The following PGM2 variants were observed in gnomAD, a reference collection of about 807,000 sequenced individuals.
The protein encoded by PGM2 is phosphopentomutase.
PGM2 carries 57 observed loss-of-function variants against 74.6 expected under a neutral mutation model. The ratio of observed to expected loss-of-function variants is 0.76; its 90% CI spans 0.62 to 0.95. PGM2 has a LOEUF of 0.95. Among genes scored for constraint, PGM2 ranks in the 40% least tolerant of loss-of-function variants. The pLI, the probability that PGM2 is intolerant of heterozygous loss-of-function variation, is 0.00. For synonymous variants in PGM2, 273 were observed against 260.7 expected, an observed-to-expected ratio of 1.05 and a Z score of -0.46; for missense variants, 706 against 741.9, an observed-to-expected ratio of 0.95 and a Z score of 0.56.
At chr4:37,828,543 C>G (rs1420355597) in intron 1 of PGM2, among the ~76,000 whole-genome samples, 2 of 152,136 alleles carry the variant, frequency 1.3e-5, no homozygotes, top group Non-Finnish European at 2.9e-5. Context: ...TTCCACCGTG[C>G]CTTCATCCCT....
At chr4:37,827,216 C>T (rs1725316530) in intron 1 of PGM2, among the ~76,000 whole-genome samples, 1 of 152,242 alleles carries the variant, frequency 6.6e-6, no homozygotes, top group South Asian at 2.1e-4. Flanking sequence ...TCGCTCCGTC[C>T]CGCGTATTCC....
At chr4:37,851,260 G>A (rs995488106) in intron 12 of PGM2, among the ~76,000 whole-genome samples, 5 of 152,208 alleles carry the variant, frequency 3.3e-5, no homozygotes, top group Non-Finnish European at 5.9e-5. Context: ...CAGTAGGTCT[G>A]GGGTAGGAGC....
Position 37,826,804 on chromosome 4 carries a change from C to G in PGM2, c.72C>G (p.Arg24=). ...ACCAGGAGACCGCCCAGTGGCTGCG[C>G]TGGGACAAGGTGAGGGGCACCAGCA... ...RLDQETAQWL[R]WDKNSLTLEA... The change falls in exon 1 of 14, where the codon CGC becomes CGG. Residue 24 remains arginine, a synonymous_variant. Transcript: ENST00000381967. 6.5e-7 allele frequency: 1 copy of G among 1,546,784 alleles called. No individual in the cohort carries two copies. Among genetic ancestry groups the G allele is most frequent in the South Asian group, 1.2e-5 (1 of 83,980 alleles).
At position 37,826,812 on chromosome 4, in the gene PGM2, A is replaced by G; in HGVS notation, c.80A>G (p.Lys27Arg). ...ACCGCCCAGTGGCTGCGCTGGGACA[A>G]GGTGAGGGGCACCAGCAGGCGGGGA... is the stretch of plus-strand genomic sequence containing the variant. The part of the protein sequence containing the change: ...QETAQWLRWD[K>R]NSLTLEAVKR... The change falls in exon 1 of 14, where the codon AAG becomes AGG. Residue 27 changes from lysine to arginine, a missense_variant and splice_region_variant. Lys to Arg is a conservative substitution (Grantham distance 26, BLOSUM62 2). Transcript: ENST00000381967. 1 of 1,542,090 alleles carries G rather than the reference A, an allele frequency of 6.5e-7. No homozygotes were observed. The highest frequency in any genetic ancestry group is 8.8e-7 in the Non-Finnish European group (1 of 1,140,194).
intron 3 of PGM2, 140 bp downstream of exon 3, chr4:37,834,864 C>A: frequency 2.2e-6 from 1 of 457,358 alleles, no homozygotes; most frequent in Non-Finnish European, 4.0e-6. Context: ...ATTCTCTTGG[C>A]AACTTTTAAA....
Position 37,855,753 on chromosome 4 carries a change from A to T in PGM2, c.1736+12A>T. The T allele has an allele frequency of 6.3e-7, 1 of 1,588,458 alleles. No individual in the cohort carries two copies. The highest frequency in any genetic ancestry group is 8.6e-7 in the Non-Finnish European group (1 of 1,168,518). On this transcript the variant is annotated intron_variant, in intron 13 of 13. Coordinates refer to ENST00000381967, the MANE Select transcript of PGM2 (RefSeq NM_018290.4). ...CCACCTGGGAACAGGTATGATGTGG[A>T]TGGCAGCTGGTGTGATTTTTACTCC...
Position 37,832,023 on chromosome 4 carries a change from T to C in PGM2, c.249+1892T>C, listed in dbSNP as rs1466050431. Among the ~76,000 whole-genome samples, 9 of 152,216 alleles carry C rather than the reference T, an allele frequency of 5.9e-5. 1 individual carries two copies. The highest frequency in any genetic ancestry group is 5.9e-4 in the Admixed American group (9 of 15,272). ...AGTTTCTGAGAATAATGAAATGTAT[T>C]CCCATTAAGGACTATCTTACCCATT... On this transcript the variant is annotated intron_variant, in intron 2 of 13. Coordinates refer to ENST00000381967, the MANE Select transcript of PGM2 (RefSeq NM_018290.4).
At position 37,840,182 on chromosome 4, in the gene PGM2, C is replaced by G. The variant is rs1459164202; in HGVS notation, c.642C>G (p.Ser214Arg). Residue 214 changes from serine (S) to arginine (R), a missense_variant, in exon 6 of 14, where the codon AGC becomes AGG. Physicochemically the swap from Ser to Arg is moderately radical, Grantham distance 110. Around this residue, in one of 3 missense-constraint regions of PGM2, gnomAD observed 332 missense variants for 334.9 expected, o/e 0.99. Transcript: ENST00000381967. ...CTTGGGACGATTCTTTAATTGATAG[C>G]AGTCCACTTCTCCACAATCCGAGTG... is the stretch of plus-strand genomic sequence containing the variant. ...PQAWDDSLID[S>R]SPLLHNPSAS... 6.2e-7 allele frequency: 1 copy of G among 1,611,820 alleles called. No individual in the cohort carries two copies. Among genetic ancestry groups the G allele is most frequent in the Admixed American group, 1.7e-5 (1 of 59,988 alleles).
chr4:37,831,186 C>G (rs1725432064), intron 2 of PGM2, among the ~76,000 whole-genome samples: 1 of 44,334 alleles, frequency 2.3e-5, no homozygotes, highest in African/African-American at 5.0e-5. Flanking sequence ...GAGCAAGACT[C>G]TGTCTCAAAA....
intron 11 of PGM2, among the ~76,000 whole-genome samples, 161 bp downstream of exon 11, chr4:37,848,812 G>A (rs527585237): frequency 6.6e-6 from 1 of 152,304 alleles, no homozygotes; most frequent in East Asian, 1.9e-4. Flanking sequence ...GCTCATGCCT[G>A]TAATCCCAGC....
Position 37,848,452 on chromosome 4 carries a change from C to G in PGM2, c.1283-70C>G. The G allele has an allele frequency of 2.2e-6, 3 of 1,344,016 alleles. No individual in the cohort carries two copies. The South Asian group carries it at 3.9e-5, about 18-fold the overall frequency. 83.3% of individuals were successfully genotyped at this position (1,344,016 alleles called of 1,614,324 possible). A position where few individuals can be genotyped will look rare whatever the true frequency, so the allele number is the denominator to read the frequency against. On this transcript the variant is annotated intron_variant, in intron 10 of 13. Transcript: ENST00000381967. Reference sequence around the variant, plus strand: ...CTGTACAACCTCTAATATGCAATAGCCAGGATTCATACTCATATGTGGTTT... The same window carrying G: ...CTGTACAACCTCTAATATGCAATAGGCAGGATTCATACTCATATGTGGTTT...
intron 12 of PGM2, among the ~76,000 whole-genome samples, chr4:37,852,746 A>G (rs1022986999): frequency 1.3e-5 from 2 of 152,072 alleles, no homozygotes; most frequent in Admixed American, 6.5e-5. Context: ...AGTCCTTTCC[A>G]TGCAACTTGT....
At chr4:37,855,789 T>C (rs763321054) in intron 13 of PGM2, 48 bp downstream of exon 13, 1 of 1,494,738 alleles carries the variant, frequency 6.7e-7, no homozygotes, top group South Asian at 1.3e-5. Flanking sequence ...CCAGACTTCC[T>C]AACTGGTTCT....
At chr4:37,836,141 A>C (rs1284650909) in intron 3 of PGM2, among the ~76,000 whole-genome samples, 1 of 152,226 alleles carries the variant, frequency 6.6e-6, no homozygotes, top group East Asian at 1.9e-4. Flanking sequence ...CAACCTTCAG[A>C]GATATGTTAA....
At chr4:37,835,312 C>T (rs1440351243) in intron 3 of PGM2, among the ~76,000 whole-genome samples, 2 of 152,104 alleles carry the variant, frequency 1.3e-5, no homozygotes. Flanking sequence ...GACACTAGTA[C>T]CAGGGGTCAG....
intron 1 of PGM2, among the ~76,000 whole-genome samples, chr4:37,829,108 A>G (rs989725814): frequency 1.3e-5 from 2 of 152,220 alleles, no homozygotes; most frequent in Non-Finnish European, 2.9e-5. Context: ...CTGAATTCAT[A>G]ACTTAAAAGT....
At chr4:37,831,025 C>G (rs920183892) in intron 2 of PGM2, among the ~76,000 whole-genome samples, 5 of 151,798 alleles carry the variant, frequency 3.3e-5, no homozygotes, top group Non-Finnish European at 5.9e-5. Flanking sequence ...GAAACCCTGT[C>G]TCTACCAAAA....
At chr4:37,838,897 A>AGT (rs1725633189) in intron 4 of PGM2, among the ~76,000 whole-genome samples, 2 of 152,188 alleles carry the variant, frequency 1.3e-5, no homozygotes, top group East Asian at 3.9e-4. Context: ...CAATGACTGC[A>AGT]GTGATTCTTG....
intron 13 of PGM2, among the ~76,000 whole-genome samples, chr4:37,859,872 A>G (rs557572161): frequency 2.0e-5 from 3 of 152,214 alleles, no homozygotes; most frequent in African/African-American, 4.8e-5. Flanking sequence ...AGGAATTCCT[A>G]ACCCTGGCTT....
Sources: gnomAD v4.1 joint callset for allele counts (sites outside exome capture counted in the v4.1 genomes callset) on GRCh38, gnomAD v4.1.1 for gene constraint, gnomAD v4.1.1 regional missense constraint, MANE v1.5 for transcripts, NCBI Gene and HGNC (gene_info 2026-07-23, HGNC 2026-07-21) for gene names.